SYNJ2: variants seen among roughly 807,000 people sequenced by gnomAD.
The protein encoded by SYNJ2 is polyphosphatidylinositol phosphatase SYNJ2.
SYNJ2 carries 116 observed loss-of-function variants against 141.3 expected under a neutral mutation model. The ratio of observed to expected loss-of-function variants is 0.82; its 90% CI spans 0.71 to 0.96. The LOEUF is 0.96. Among genes scored for constraint, SYNJ2 ranks in the 40% least tolerant of loss-of-function variants. SYNJ2 has a pLI of 0.00. For synonymous variants in SYNJ2, 745 were observed against 777.7 expected, an observed-to-expected ratio of 0.96 and a Z score of 0.70; for missense variants, 1,873 against 1,934.8, an observed-to-expected ratio of 0.97 and a Z score of 0.60.
intron 1 of SYNJ2, among the ~76,000 whole-genome samples, chr6:157,986,364 GA>G (rs1777205045): frequency 2.0e-5 from 3 of 152,320 alleles, no homozygotes; most frequent in Admixed American, 2.0e-4. Context: ...GTTTGAGACG[GA>G]GTCTCTTTGC....
At position 158,081,331 on chromosome 6, in the gene SYNJ2, A is replaced by G; in HGVS notation, c.2786+4A>G. On this transcript the variant is annotated splice_donor_region_variant and intron_variant, in intron 19 of 26. Transcript: ENST00000355585. The stretch of plus-strand genomic sequence containing the variant: ...ATGGGACAATTGTTCTTGTCAGGTA[A>G]CTGCTCCCCTGGCTGATGTGGGTTC... The G allele has an allele frequency of 6.2e-7, 1 of 1,614,064 alleles. No homozygotes were observed.
chr6:158,055,981 G>A (rs193236620), intron 6 of SYNJ2, among the ~76,000 whole-genome samples: 111 of 152,264 alleles, frequency 7.3e-4, no homozygotes, highest in Non-Finnish European at 1.1e-3. Flanking sequence ...AATTGTCTTA[G>A]GAAATAGTGA....
chr6:157,995,016 C>G (rs1404547141), intron 1 of SYNJ2, among the ~76,000 whole-genome samples: 1 of 152,106 alleles, frequency 6.6e-6, no homozygotes, highest in East Asian at 1.9e-4. Context: ...CTATATGGGC[C>G]CCAGACTGCC....
In SYNJ2 at chr6:158,064,901, G is replaced by A. The variant is rs1288577422; in HGVS notation, c.1435G>A (p.Glu479Lys). ...CAACTTCTTCGACGGGGTGAAGCAG[G>A]AGGCCATCAAGCTGCTGCTGGTTGG... The part of the protein sequence containing the change: ...QSNFFDGVKQ[E>K]AIKLLLVGDV... Residue 479 changes from glutamate to lysine, a missense_variant, in exon 11 of 27, where the codon GAG becomes AAG. Transcript: ENST00000355585. 1.2e-6 allele frequency: 2 copies of A among 1,613,726 alleles called. No individual in the cohort carries two copies. The highest frequency in any genetic ancestry group is 2.7e-5 in the African/African-American group (2 of 74,946).
rs574503700 is a variant in SYNJ2 at position 158,091,066 on chromosome 6, C to A, written c.3565+1119C>A. On this transcript the variant is annotated intron_variant, in intron 25 of 26. Transcript: ENST00000355585. Reference sequence around the variant, plus strand: ...GGCGCGGTGGCTCACGCCTGTAATCCCAGCACTTTGGGAGGCCGAGGCGGG... The same window carrying A: ...GGCGCGGTGGCTCACGCCTGTAATCACAGCACTTTGGGAGGCCGAGGCGGG... 2.1e-4 allele frequency among the ~76,000 whole-genome samples: 32 copies of A among 152,008 alleles called. 1 individual carries two copies. The South Asian group carries it at 6.5e-3, about 31-fold the overall frequency.
At chr6:158,006,950 A>G (rs1201164266) in intron 1 of SYNJ2, among the ~76,000 whole-genome samples, 1 of 152,086 alleles carries the variant, frequency 6.6e-6, no homozygotes, top group Non-Finnish European at 1.5e-5. Flanking sequence ...CTGGGATTAC[A>G]GGCATGAGCC....
At chr6:158,067,791 T>G (rs1781655012) in intron 12 of SYNJ2, 1 of 985,202 alleles carries the variant, frequency 1.0e-6, no homozygotes. Flanking sequence ...TCAGAGCCAC[T>G]GGGGCTCTCT....
At chr6:157,983,704 G>A (rs557287745) in intron 1 of SYNJ2, among the ~76,000 whole-genome samples, 1 of 152,292 alleles carries the variant, frequency 6.6e-6, no homozygotes, top group East Asian at 1.9e-4. Flanking sequence ...TCACGGTGGT[G>A]ATTACAGTAT....
chr6:158,052,469 C>T (rs1780622157), intron 5 of SYNJ2, among the ~76,000 whole-genome samples: 1 of 152,144 alleles, frequency 6.6e-6, no homozygotes, highest in Admixed American at 6.5e-5. Flanking sequence ...GTAATGCAGG[C>T]TATACAGGAA....
At chr6:158,047,325 G>A (rs1431255947) in intron 5 of SYNJ2, among the ~76,000 whole-genome samples, 3 of 152,132 alleles carry the variant, frequency 2.0e-5, no homozygotes, top group Non-Finnish European at 2.9e-5. Flanking sequence ...GCTTTGAAGC[G>A]ACGCAGACCT....
chr6:158,064,756 G>A lies in SYNJ2; in HGVS notation c.1359+6G>A. The A allele has an allele frequency of 1.9e-6, 3 of 1,613,428 alleles. No individual in the cohort carries two copies. Among genetic ancestry groups the A allele is most frequent in the Non-Finnish European group, 2.5e-6 (3 of 1,179,828 alleles). ...CCCTGGAAGGGAAGGCCAAGGTAGG[G>A]CCCCGCCGAGGGGGCAGGGTGGGGG... On this transcript the variant is annotated splice_donor_region_variant and intron_variant, in intron 10 of 26. Coordinates refer to ENST00000355585, the MANE Select transcript of SYNJ2 (RefSeq NM_003898.4).
At chr6:158,034,989 G>A (rs140496510) in intron 4 of SYNJ2, among the ~76,000 whole-genome samples, 7 of 152,314 alleles carry the variant, frequency 4.6e-5, no homozygotes, top group African/African-American at 1.7e-4. Context: ...TCACATGGTT[G>A]TAGGTGTACG....
rs765384488 is a variant in SYNJ2, at chr6:158,028,823, T to C, written c.282T>C (p.Ala94=). The change falls in exon 3 of 27, where the codon GCT becomes GCC. Residue 94 remains alanine (A), a synonymous_variant. Transcript: ENST00000355585. The part of the protein sequence containing the change: ...GCTSVGRIPD[A]EIYKITATDF... Reference sequence around the variant, plus strand: ...CATCTGTGGGCAGAATTCCAGATGCTGAAATCTACAAAATCACTGCCACTG... The same window carrying C: ...CATCTGTGGGCAGAATTCCAGATGCCGAAATCTACAAAATCACTGCCACTG... 5 of 1,614,194 alleles carry C rather than the reference T, an allele frequency of 3.1e-6. No homozygotes were observed. In the South Asian group the frequency reaches 5.5e-5, roughly 18 times the overall value.
chr6:157,989,799 G>A (rs913209528), intron 1 of SYNJ2, among the ~76,000 whole-genome samples: 6 of 152,160 alleles, frequency 3.9e-5, no homozygotes, highest in African/African-American at 1.2e-4. Context: ...AACCCAGAAC[G>A]TTAGACTGGG....
chr6:158,083,164 C>G (rs776691202), intron 20 of SYNJ2, among the ~76,000 whole-genome samples: 1 of 152,138 alleles, frequency 6.6e-6, no homozygotes, highest in Non-Finnish European at 1.5e-5. Context: ...AACTCCTGAC[C>G]TCAAGGGATC....
chr6:158,000,242 T>C (rs6904665), intron 1 of SYNJ2, among the ~76,000 whole-genome samples: 64,201 of 151,526 alleles, frequency 0.42, 15,455 homozygotes, highest in African/African-American at 0.67. Context: ...TGATGTTTTC[T>C]CCTAGAGACA....
chr6:158,028,666 G>C lies in SYNJ2; in HGVS notation c.215-90G>C, dbSNP rs139063962. 2.4e-3 allele frequency: 3,685 copies of C among 1,534,186 alleles called. 8 individuals are homozygous for C. The highest frequency in any genetic ancestry group is 3.0e-3 in the Non-Finnish European group (3,447 of 1,140,472). On this transcript the variant is annotated intron_variant, in intron 2 of 26. Transcript: ENST00000355585. Reference sequence around the variant, plus strand: ...GCACAGACGTTGCCTTCCTGGCTGCGGTTGAACCTGGGCTCCATTTGTCCC... The same window carrying C: ...GCACAGACGTTGCCTTCCTGGCTGCCGTTGAACCTGGGCTCCATTTGTCCC...
chr6:157,997,621 G>GC (rs141283149), intron 1 of SYNJ2, among the ~76,000 whole-genome samples: 1,844 of 152,276 alleles, frequency 0.012, 37 homozygotes, highest in African/African-American at 0.042. Flanking sequence ...GTTGTTTCAA[G>GC]CCCCCCGTTC....
At chr6:158,023,096 G>T (rs1384864950) in intron 2 of SYNJ2, among the ~76,000 whole-genome samples, 1 of 151,894 alleles carries the variant, frequency 6.6e-6, no homozygotes, top group East Asian at 1.9e-4. Flanking sequence ...CATAGTGATG[G>T]TATCTACAGC....
Sources: allele counts gnomAD v4.1 joint callset (sites outside exome capture counted in the v4.1 genomes callset), GRCh38; gene constraint gnomAD v4.1.1; transcripts MANE v1.5; gene names NCBI Gene and HGNC (gene_info 2026-07-23, HGNC 2026-07-21).